Variants in ANK1 observed in about 807,000 individuals in gnomAD.
The protein encoded by ANK1 is ankyrin-1.
A neutral mutation model predicts 210.4 loss-of-function variants in ANK1; 51 were observed. That is an observed-to-expected ratio of 0.24 (90% CI 0.19 to 0.31). The LOEUF is 0.31. ANK1 is among the 10% of genes least tolerant of loss of function. ANK1 has a pLI of 1.00. For synonymous variants in ANK1, 967 were observed against 1,025.9 expected, an observed-to-expected ratio of 0.94 and a Z score of 1.10; for missense variants, 2,051 against 2,504.4, an observed-to-expected ratio of 0.82 and a Z score of 3.86.
At chr8:41,733,620 C>T (rs1222854330) in intron 3 of ANK1, among the ~76,000 whole-genome samples, 5 of 152,334 alleles carry the variant, frequency 3.3e-5, no homozygotes, top group Middle Eastern at 3.4e-3. Flanking sequence ...TCCCAGGTCA[C>T]AGAGCGTGAA....
intron 1 of ANK1, among the ~76,000 whole-genome samples, chr8:41,831,521 G>A (rs1006897661): frequency 2.0e-5 from 3 of 151,920 alleles, no homozygotes; most frequent in African/African-American, 7.3e-5. Flanking sequence ...GGAGGCACAT[G>A]CCTGTAGTTC....
intron 1 of ANK1, among the ~76,000 whole-genome samples, chr8:41,843,086 G>A (rs1809305092): frequency 6.6e-6 from 1 of 152,152 alleles, no homozygotes. Context: ...GACCTCAGGT[G>A]ATCCGCCCGC....
intron 26 of ANK1, among the ~76,000 whole-genome samples, chr8:41,695,885 A>G (rs1461932691): frequency 6.6e-6 from 1 of 152,194 alleles, no homozygotes; most frequent in Admixed American, 6.5e-5. Context: ...GGCTGCTTCA[A>G]GGGAGTGGAG....
intron 39 of ANK1, 152 bp downstream of exon 39, chr8:41,668,115 G>T: frequency 8.7e-7 from 1 of 1,153,252 alleles, no homozygotes; most frequent in Non-Finnish European, 1.2e-6. Context: ...CCTTGCCCTT[G>T]ACTTCTAGAG....
chr8:41,740,385 C>G (rs144346927), intron 2 of ANK1, among the ~76,000 whole-genome samples: 1,549 of 152,108 alleles, frequency 0.01, 9 homozygotes, highest in Non-Finnish European at 0.017. Flanking sequence ...GTCTCGAACT[C>G]CTGAACTTAG....
At chr8:41,896,483 C>A (rs750574341) in exon 1 of ANK1, 1 of 1,593,296 alleles carries the variant, frequency 6.3e-7, no homozygotes, top group East Asian at 2.3e-5. Context: ...TGAGCCATGG[C>A]GGGTCACGGC....
chr8:41,659,989 A>C (rs1273724342), intron 42 of ANK1, among the ~76,000 whole-genome samples: 6 of 152,238 alleles, frequency 3.9e-5, no homozygotes, highest in South Asian at 4.2e-4. Flanking sequence ...CACAGCCGCC[A>C]CTGCTACCAT....
At chr8:41,693,765 G>A in intron 29 of ANK1, 133 bp downstream of exon 29, 1 of 1,006,732 alleles carries the variant, frequency 9.9e-7, no homozygotes, top group Non-Finnish European at 1.5e-6. Context: ...TCTCTTGGAA[G>A]AGCACCTCAC....
intron 20 of ANK1, among the ~76,000 whole-genome samples, chr8:41,703,422 G>GTGTT (rs1286560913): frequency 1.9e-5 from 1 of 53,762 alleles, no homozygotes. Context: ...GTGTGTGTGT[G>GTGTT]TATATATATA....
Position 41,697,871 on chromosome 8 carries a change from C to T in ANK1, c.2637+172G>A, listed in dbSNP as rs1821538723. 8.3e-6 allele frequency: 6 copies of T among 722,178 alleles called. No individual in the cohort carries two copies. In the Admixed American group the frequency reaches 1.2e-4, roughly 15 times the overall value. The allele number at this position is 722,178 out of a possible 1,614,324, so 44.7% of individuals were successfully genotyped here. A position where few individuals can be genotyped will look rare whatever the true frequency, so the allele number is the denominator to read the frequency against. On this transcript the variant is annotated intron_variant, in intron 24 of 42. Transcript: ENST00000289734. ...CTTCCAGACGCCGCCCACCCAGCGC[C>T]ACCAATGTTGCACCATTATGAGGCG... is the stretch of plus-strand genomic sequence containing the variant.
At chr8:41,766,763 AG>A (rs1395250408) in intron 1 of ANK1, among the ~76,000 whole-genome samples, 1 of 152,198 alleles carries the variant, frequency 6.6e-6, no homozygotes, top group Non-Finnish European at 1.5e-5. Context: ...CGAGAATCGA[AG>A]GGGACAGCGG....
rs1421498607 is a variant in ANK1 at position 41,883,913 on chromosome 8, G to T, written c.126+12442C>A. Among the ~76,000 whole-genome samples, 4 of 152,236 alleles carry T rather than the reference G, an allele frequency of 2.6e-5. No individual in the cohort carries two copies. The South Asian group carries it at 8.3e-4, about 31-fold the overall frequency. On this transcript the variant is annotated intron_variant, in intron 1 of 42. Coordinates refer to the ANK1 transcript ENST00000265709. ...GGTTCTCTTCATCCACAGCAGCACA[G>T]TTAATGTTCATAAATCAGAGGGAGT...
rs190809736 is a variant in ANK1, at chr8:41,872,925, G to T, written c.126+23430C>A. Among the ~76,000 whole-genome samples, 22 of 152,306 alleles carry T rather than the reference G, an allele frequency of 1.4e-4. 1 individual carries two copies. The East Asian group carries it at 2.7e-3, about 19-fold the overall frequency. The stretch of plus-strand genomic sequence containing the variant: ...CCAGGTCTCTGTTGACAAAGGCAGA[G>T]ATTTTGAGGCAGAACAATGGCTAAC... On this transcript the variant is annotated intron_variant, in intron 1 of 42. Transcript: ENST00000265709.
chr8:41,737,410 T>G (rs1199245861), intron 2 of ANK1, among the ~76,000 whole-genome samples: 1 of 152,252 alleles, frequency 6.6e-6, no homozygotes. Context: ...CGAATGGATC[T>G]GATTGTGACC....
At chr8:41,727,050 C>G (rs1432417618) in intron 5 of ANK1, among the ~76,000 whole-genome samples, 200 bp downstream of exon 5, 2 of 152,228 alleles carry the variant, frequency 1.3e-5, no homozygotes, top group African/African-American at 2.4e-5. Flanking sequence ...TGGTACGTGT[C>G]TGGGCCTTCT....
At chr8:41,680,340 A>G (rs1364680082) in intron 37 of ANK1, among the ~76,000 whole-genome samples, 1 of 152,172 alleles carries the variant, frequency 6.6e-6, no homozygotes, top group Non-Finnish European at 1.5e-5. Flanking sequence ...AGGCAGGTGG[A>G]TCACCTGAGG....
intron 1 of ANK1, among the ~76,000 whole-genome samples, chr8:41,791,782 A>T (rs1847783544): frequency 6.6e-6 from 1 of 152,216 alleles, no homozygotes; most frequent in African/African-American, 2.4e-5. Flanking sequence ...TGGAAAGGGC[A>T]GAACAGTGTT....
intron 1 of ANK1, among the ~76,000 whole-genome samples, chr8:41,803,090 A>AAAGGAAAGGAAAGGAAAGGG (rs1850376959): frequency 4.0e-5 from 1 of 24,912 alleles, no homozygotes; most frequent in Non-Finnish European, 1.1e-4. Context: ...GAAGGGAAGG[A>AAAGGAAAGGAAAGGAAAGGG]AAGGAAAGGA....
intron 1 of ANK1, among the ~76,000 whole-genome samples, chr8:41,893,429 TGCGTCGAGGTG>T (rs1487953237): frequency 1.3e-5 from 2 of 152,182 alleles, no homozygotes; most frequent in African/African-American, 4.8e-5. Flanking sequence ...CTCAGTTCCC[TGCGTCGAGGTG>T]GCTTCTATCT....
Sources: allele counts gnomAD v4.1 joint callset (sites outside exome capture counted in the v4.1 genomes callset), GRCh38; gene constraint gnomAD v4.1.1; transcripts MANE v1.5; gene names NCBI Gene and HGNC (gene_info 2026-07-23, HGNC 2026-07-21).